RAB38: variants seen among roughly 807,000 people sequenced by gnomAD.
The protein encoded by RAB38 is RAB38, member RAS oncogene family.
A neutral mutation model predicts 18.4 loss-of-function variants in RAB38; 15 were observed. That is an observed-to-expected ratio of 0.82 (90% CI 0.55 to 1.26). RAB38 has a LOEUF of 1.26. Among genes scored for constraint, RAB38 ranks in the 50% most tolerant of loss-of-function variants. The pLI, the probability that RAB38 is intolerant of heterozygous loss-of-function variation, is 0.00. For missense variants in RAB38, 294 were observed against 267.4 expected, an observed-to-expected ratio of 1.10 and a Z score of -0.69; for synonymous variants, 101 against 104.4, an observed-to-expected ratio of 0.97 and a Z score of 0.20.
At chr11:87,833,703 T>C in the RAB38 span, among the ~76,000 whole-genome samples, 9 of 152,230 alleles carry the variant, frequency 5.9e-5, no homozygotes, top group Non-Finnish European at 8.8e-5. Context: ...TTGTCCTAAA[T>C]GATAGCTAAC....
At chr11:87,977,496 ATT>A in the RAB38 span, among the ~76,000 whole-genome samples, 5 of 111,572 alleles carry the variant, frequency 4.5e-5, no homozygotes, top group East Asian at 7.8e-4. Flanking sequence ...ATATAATATA[ATT>A]TTATATGATT....
chr11:87,807,751 C>T, the RAB38 span, among the ~76,000 whole-genome samples: 342 of 152,178 alleles, frequency 2.2e-3, no homozygotes, highest in Non-Finnish European at 4.0e-3. Flanking sequence ...AAAGGTGTGA[C>T]GAAGACCTTT....
rs1318397492 is a variant in RAB38, at chr11:88,164,256, C to CGGCGG, written c.202+10926_202+10927insCCGCC. On this transcript the variant is annotated intron_variant, in intron 1 of 2. Transcript: ENST00000243662. ...CCCAAAATATATGCCAAGGTGCTCT[C>CGGCGG]GGTGGGGGGGGGTGCCATGGTGAAC... 3.2e-4 allele frequency among the ~76,000 whole-genome samples: 35 copies of CGGCGG among 109,032 alleles called. 1 individual carries two copies. The highest frequency in any genetic ancestry group is 4.2e-4 in the Non-Finnish European group (20 of 48,130). The allele number at this position is 109,032 out of a possible 152,430, so 71.5% of individuals were successfully genotyped here.
chr11:87,911,144 G>A, the RAB38 span, among the ~76,000 whole-genome samples: 1 of 151,944 alleles, frequency 6.6e-6, no homozygotes, highest in South Asian at 2.1e-4. Context: ...TTATCTTGAT[G>A]ACAGTACCAT....
At chr11:87,880,638 G>A in the RAB38 span, among the ~76,000 whole-genome samples, 2 of 151,804 alleles carry the variant, frequency 1.3e-5, no homozygotes, top group Admixed American at 6.6e-5. Context: ...TTCAGTGAGA[G>A]CAGAAAGAAT....
At chr11:87,837,374 G>T in the RAB38 span, among the ~76,000 whole-genome samples, 1 of 152,108 alleles carries the variant, frequency 6.6e-6, no homozygotes, top group African/African-American at 2.4e-5. Flanking sequence ...AAATGAATGA[G>T]TTTCTTCTAT....
chr11:88,037,078 C>T, the RAB38 span, among the ~76,000 whole-genome samples: 4 of 151,978 alleles, frequency 2.6e-5, no homozygotes, highest in Non-Finnish European at 4.4e-5. Context: ...GGTCAAATTT[C>T]CTACATAATC....
At chr11:87,951,356 G>C in the RAB38 span, among the ~76,000 whole-genome samples, 2 of 151,930 alleles carry the variant, frequency 1.3e-5, no homozygotes, top group African/African-American at 4.8e-5. Flanking sequence ...CCTGTAGCTC[G>C]GAGTAGTTTG....
chr11:88,166,322 G>A (rs577408923), intron 1 of RAB38: 1 of 152,228 alleles, frequency 6.6e-6, no homozygotes, highest in South Asian at 2.1e-4. Flanking sequence ...ACAGGGCTGG[G>A]TGCCTTCCCA....
At chr11:87,898,238 C>A in the RAB38 span, among the ~76,000 whole-genome samples, 1 of 151,520 alleles carries the variant, frequency 6.6e-6, no homozygotes, top group Non-Finnish European at 1.5e-5. Context: ...TCTTCAAAGG[C>A]ATTACTCTTC....
At chr11:88,031,551 G>A in the RAB38 span, among the ~76,000 whole-genome samples, 1 of 151,898 alleles carries the variant, frequency 6.6e-6, no homozygotes, top group African/African-American at 2.4e-5. Flanking sequence ...CAAAATCAAT[G>A]TACAAAAATC....
the RAB38 span, among the ~76,000 whole-genome samples, chr11:87,940,292 C>T: frequency 6.6e-6 from 1 of 151,984 alleles, no homozygotes; most frequent in Admixed American, 6.6e-5. Context: ...TAATCTGCTG[C>T]CTAGTTTACC....
intron 2 of RAB38, among the ~76,000 whole-genome samples, chr11:88,140,706 C>A (rs2134811850): frequency 6.6e-6 from 1 of 152,148 alleles, no homozygotes; most frequent in Non-Finnish European, 1.5e-5. Context: ...AGACTTGATG[C>A]AGTTTAACAC....
the RAB38 span, among the ~76,000 whole-genome samples, chr11:87,901,160 G>T: frequency 0.082 from 12,398 of 151,452 alleles, 844 homozygotes; most frequent in African/African-American, 0.19. Context: ...CCTGGTGTAT[G>T]CCTCCTTTAT....
the RAB38 span, among the ~76,000 whole-genome samples, chr11:87,909,485 T>C: frequency 6.6e-6 from 1 of 152,022 alleles, no homozygotes; most frequent in Non-Finnish European, 1.5e-5. Context: ...TTAAACAATC[T>C]TGTTAAGGTA....
At chr11:88,164,044 A>G (rs1349640711) in intron 1 of RAB38, among the ~76,000 whole-genome samples, 5 of 152,164 alleles carry the variant, frequency 3.3e-5, no homozygotes, top group Non-Finnish European at 7.4e-5. Flanking sequence ...CAAATAAACA[A>G]CCTAAAATAC....
the RAB38 span, among the ~76,000 whole-genome samples, chr11:87,837,106 T>C: frequency 1.1e-3 from 170 of 152,360 alleles, 1 homozygote; most frequent in African/African-American, 3.9e-3. Context: ...AATAGCCAAG[T>C]GACCACTGTG....
chr11:87,956,847 C>A, the RAB38 span, among the ~76,000 whole-genome samples: 2 of 151,950 alleles, frequency 1.3e-5, no homozygotes, highest in South Asian at 2.1e-4. Context: ...AGAATTTGAA[C>A]CTTTCAGGGC....
At chr11:88,143,239 T>C (rs1216900914) in intron 2 of RAB38, among the ~76,000 whole-genome samples, 1 of 152,218 alleles carries the variant, frequency 6.6e-6, no homozygotes, top group Non-Finnish European at 1.5e-5. Context: ...TATAAGATTA[T>C]TTCAAGGATA....
Sources: allele counts gnomAD v4.1 joint callset (sites outside exome capture counted in the v4.1 genomes callset), GRCh38; gene constraint gnomAD v4.1.1; transcripts MANE v1.5; gene names NCBI Gene and HGNC (gene_info 2026-07-23, HGNC 2026-07-21).